TTC39C: variants seen among roughly 807,000 people sequenced by gnomAD.
TTC39C encodes tetratricopeptide repeat domain 39C.
A neutral mutation model predicts 76.3 loss-of-function variants in TTC39C; 33 were observed. The observed-to-expected ratio is 0.43, with a 90% CI of 0.33 to 0.58. TTC39C has a LOEUF of 0.58. TTC39C is among the 20% of genes least tolerant of loss of function. The pLI is 0.04. For missense variants in TTC39C, 595 were observed against 701.4 expected (o/e 0.85, Z 1.71); for synonymous variants, 254 against 260.6 (o/e 0.97, Z 0.24).
rs373682169 is a variant in TTC39C at position 24,054,716 on chromosome 18, T to C, written c.168-9424T>C. On this transcript the variant is annotated intron_variant, in intron 1 of 13. Transcript: ENST00000317571. ...TCATTTATTCTATTATAGAAAGTTT[T>C]TTCAATTAATTTGTTAAATTTGTGG... Among the ~76,000 whole-genome samples, 32 of 152,370 alleles carry C rather than the reference T, an allele frequency of 2.1e-4. 1 individual carries two copies. The East Asian group carries it at 5.0e-3, about 24-fold the overall frequency.
chr18:24,091,827 C>G (rs985689263), intron 6 of TTC39C, among the ~76,000 whole-genome samples: 1 of 151,972 alleles, frequency 6.6e-6, no homozygotes, highest in Non-Finnish European at 1.5e-5. Flanking sequence ...CGGTGGCTCA[C>G]GCCTGTAATC....
At chr18:24,124,102 C>T (rs2085014728) in intron 9 of TTC39C, 159 bp downstream of exon 9, 6 of 532,510 alleles carry the variant, frequency 1.1e-5, no homozygotes, top group Middle Eastern at 4.9e-4. Context: ...CATGATTGTA[C>T]ATCTGCTCTG....
At chr18:24,003,639 G>A (rs907491385) in intron 1 of TTC39C, among the ~76,000 whole-genome samples, 11 of 151,858 alleles carry the variant, frequency 7.2e-5, no homozygotes, top group African/African-American at 2.7e-4. Flanking sequence ...GTGTGCCTAT[G>A]ACTATTTTTA....
At chr18:24,087,380 G>A (rs927586510) in intron 6 of TTC39C, among the ~76,000 whole-genome samples, 2 of 151,924 alleles carry the variant, frequency 1.3e-5, no homozygotes, top group African/African-American at 4.8e-5. Flanking sequence ...AATCTGCTTT[G>A]TATGTGACAT....
rs148495274 is a variant in TTC39C at position 24,048,172 on chromosome 18, G to A, written c.168-15968G>A. Among the ~76,000 whole-genome samples the A allele has an allele frequency of 5.1e-4, 77 of 152,264 alleles. No individual in the cohort carries two copies. The East Asian group carries it at 0.014, about 29-fold the overall frequency. Reference sequence around the variant, plus strand: ...TTGTGGTCTAATAGTGCCTCTACTAGAATGGAAATTTAAAAATAGCATTTA... The same window carrying A: ...TTGTGGTCTAATAGTGCCTCTACTAAAATGGAAATTTAAAAATAGCATTTA... On this transcript the variant is annotated intron_variant, in intron 1 of 13. Transcript: ENST00000317571.
At chr18:24,128,804 C>G (rs938219799) in intron 10 of TTC39C, 82 bp from the exon 11 acceptor site, 3 of 1,127,780 alleles carry the variant, frequency 2.7e-6, no homozygotes, top group African/African-American at 3.1e-5. Flanking sequence ...TGAACTGAAA[C>G]ATTTACCTCA....
intron 6 of TTC39C, among the ~76,000 whole-genome samples, chr18:24,096,240 T>A (rs1369950311): frequency 1.3e-5 from 2 of 152,204 alleles, no homozygotes; most frequent in African/African-American, 4.8e-5. Flanking sequence ...ACCTTCAATT[T>A]GTTAAAGAAA....
rs1186995702 is a variant in TTC39C, at chr18:24,014,779, C to T, written c.-93C>T. On this transcript the variant is annotated 5_prime_UTR_variant, in exon 1 of 14. Transcript: ENST00000317571. ...CCCCTCCCCTCCCGGCTCCGCTTGG[C>T]TCCGGGCAGGTAGAGCCGGGCTCCG... is the stretch of plus-strand genomic sequence containing the variant. 8.6e-7 allele frequency: 1 copy of T among 1,160,034 alleles called. No homozygotes were observed. Among genetic ancestry groups the T allele is most frequent in the Non-Finnish European group, 1.1e-6 (1 of 940,364 alleles). 71.9% of individuals were successfully genotyped at this position (1,160,034 alleles called of 1,614,324 possible). A position where few individuals can be genotyped will look rare whatever the true frequency, so the allele number is the denominator to read the frequency against.
intron 6 of TTC39C, among the ~76,000 whole-genome samples, chr18:24,098,388 C>T (rs1423212919): frequency 1.7e-5 from 1 of 59,790 alleles, no homozygotes; most frequent in Non-Finnish European, 2.8e-5. Flanking sequence ...TTCCTTCCCT[C>T]CCTCCCTCCC....
chr18:24,061,193 T>C (rs923380072), intron 1 of TTC39C, among the ~76,000 whole-genome samples: 1 of 152,056 alleles, frequency 6.6e-6, no homozygotes, highest in Non-Finnish European at 1.5e-5. Context: ...TATCCTACCA[T>C]TGTTTTTTCA....
intron 1 of TTC39C, among the ~76,000 whole-genome samples, chr18:24,019,463 A>G (rs2083493309): frequency 6.6e-6 from 1 of 152,238 alleles, no homozygotes. Context: ...AAAATGGCGA[A>G]AATGTATTAA....
At chr18:24,045,552 T>C (rs905321016) in intron 1 of TTC39C, among the ~76,000 whole-genome samples, 1 of 152,012 alleles carries the variant, frequency 6.6e-6, no homozygotes, top group Non-Finnish European at 1.5e-5. Flanking sequence ...AATACATAGT[T>C]TTCACTGTCT....
intron 6 of TTC39C, among the ~76,000 whole-genome samples, chr18:24,087,501 TATTC>T (rs2084456451): frequency 6.6e-6 from 1 of 152,216 alleles, no homozygotes; most frequent in Non-Finnish European, 1.5e-5. Context: ...AGTGTTCAGA[TATTC>T]AAATAAATGA....
At chr18:24,070,508 C>T (rs183830652) in intron 4 of TTC39C, among the ~76,000 whole-genome samples, 1 of 152,268 alleles carries the variant, frequency 6.6e-6, no homozygotes, top group East Asian at 1.9e-4. Context: ...ACTTCCTTTT[C>T]CTGACACTCA....
chr18:24,070,836 TAAAAAGA>T (rs1446726653), intron 4 of TTC39C, among the ~76,000 whole-genome samples: 1 of 151,686 alleles, frequency 6.6e-6, no homozygotes, highest in African/African-American at 2.4e-5. Context: ...GAGTGAGACT[TAAAAAGA>T]AAAGAAAAGA....
chr18:24,128,795 G>A, intron 10 of TTC39C, 91 bp from the exon 11 acceptor site: 1 of 1,028,760 alleles, frequency 9.7e-7, no homozygotes, highest in Non-Finnish European at 1.4e-6. Context: ...GCAGAAACAT[G>A]AACTGAAACA....
rs769498219 is a variant in TTC39C at position 24,132,484 on chromosome 18, G to A, written c.1663-1G>A. ...ATAAATATCTTTCTTTGATCTTACA[G>A]GAGGATTTCTCTGGCTACGACTTTG... On this transcript the variant is annotated splice_acceptor_variant, in intron 13 of 13. Transcript: ENST00000317571. LOFTEE classifies it high-confidence loss of function. 3 of 1,613,842 alleles carry A rather than the reference G, an allele frequency of 1.9e-6. No homozygotes were observed. The highest frequency in any genetic ancestry group is 2.5e-6 in the Non-Finnish European group (3 of 1,179,852).
chr18:24,020,352 T>G, intron 1 of TTC39C: 1 of 977,506 alleles, frequency 1.0e-6, no homozygotes, highest in Non-Finnish European at 1.2e-6. Flanking sequence ...TTGGAGGAAA[T>G]TATCAGGAAA....
In TTC39C at chr18:24,120,608, G is replaced by A. The variant is rs574275272; in HGVS notation, c.1186+2376G>A. 7.2e-5 allele frequency among the ~76,000 whole-genome samples: 11 copies of A among 151,936 alleles called. No individual in the cohort carries two copies. The South Asian group carries it at 1.0e-3, about 14-fold the overall frequency. ...GTATGTGTCAGTAACTCCAGATAAC[G>A]CTCAGATTGTTTTGCAAACATCACC... On this transcript the variant is annotated intron_variant, in intron 8 of 13. Coordinates refer to ENST00000317571, the MANE Select transcript of TTC39C (RefSeq NM_001135993.2).
Sources: gnomAD v4.1 joint callset for allele counts (sites outside exome capture counted in the v4.1 genomes callset) on GRCh38, gnomAD v4.1.1 for gene constraint, MANE v1.5 for transcripts, NCBI Gene and HGNC (gene_info 2026-07-23, HGNC 2026-07-21) for gene names.